TIAM1: variants seen among roughly 807,000 people sequenced by gnomAD.
The protein encoded by TIAM1 is TIAM Rac1 associated GEF 1, also known as rho guanine nucleotide exchange factor TIAM1.
TIAM1 carries 65 observed loss-of-function variants against 163.5 expected under a neutral mutation model. The ratio of observed to expected loss-of-function variants is 0.40; its 90% CI spans 0.33 to 0.49. The LOEUF (loss-of-function observed/expected upper bound fraction) is 0.49. Among genes scored for constraint, TIAM1 ranks in the 20% least tolerant of loss-of-function variants. TIAM1 has a pLI of 0.77. For missense variants in TIAM1, 1,789 were observed against 2,044.7 expected, an observed-to-expected ratio of 0.87 and a Z score of 2.41; for synonymous variants, 833 against 810.1, an observed-to-expected ratio of 1.03 and a Z score of -0.48.
intron 2 of TIAM1, among the ~76,000 whole-genome samples, chr21:31,410,071 C>T (rs2077319730): frequency 6.6e-6 from 1 of 150,574 alleles, no homozygotes; most frequent in South Asian, 2.1e-4. Flanking sequence ...ATGGAGGCAG[C>T]ACTGAGGGCG....
intron 1 of TIAM1, among the ~76,000 whole-genome samples, chr21:31,467,060 A>G (rs552431583): frequency 6.6e-6 from 1 of 152,206 alleles, no homozygotes; most frequent in Non-Finnish European, 1.5e-5. Context: ...CAGAATTACT[A>G]AACTACCCTA....
At chr21:31,544,201 G>C (rs1485860694) in intron 1 of TIAM1, among the ~76,000 whole-genome samples, 1 of 150,580 alleles carries the variant, frequency 6.6e-6, no homozygotes, top group Non-Finnish European at 1.5e-5. Flanking sequence ...GAGGGAGATG[G>C]TCTCAAAAAA....
chr21:31,485,378 G>A (rs1341814738), intron 1 of TIAM1, among the ~76,000 whole-genome samples: 1 of 152,066 alleles, frequency 6.6e-6, no homozygotes, highest in African/African-American at 2.4e-5. Flanking sequence ...GGCACTACTG[G>A]GTGGACAATT....
At chr21:31,362,560 G>C (rs756440820) in intron 2 of TIAM1, among the ~76,000 whole-genome samples, 1 of 151,752 alleles carries the variant, frequency 6.6e-6, no homozygotes, top group African/African-American at 2.4e-5. Context: ...TCTAGCTCCC[G>C]GGTTCAAGCG....
intron 3 of TIAM1, among the ~76,000 whole-genome samples, chr21:31,267,401 T>C (rs1443824076): frequency 6.6e-6 from 1 of 152,204 alleles, no homozygotes; most frequent in Non-Finnish European, 1.5e-5. Flanking sequence ...AACCAAAATG[T>C]TCACCAAGGG....
chr21:31,401,360 C>T lies in TIAM1; in HGVS notation c.-368-61938G>A, dbSNP rs150415144. Among the ~76,000 whole-genome samples, 276 of 152,212 alleles carry T rather than the reference C, an allele frequency of 1.8e-3. 2 individuals are homozygous for T. Among genetic ancestry groups the T allele is most frequent in the African/African-American group, 6.4e-3 (267 of 41,536 alleles). ...CTCTTCCTCATTCTACTGTCTAGAC[C>T]TGAAATTTTAACTGGGAAAAGCTGG... On this transcript the variant is annotated intron_variant, in intron 2 of 28. Coordinates refer to the TIAM1 transcript ENST00000286827.
At chr21:31,125,405 A>G (rs963386265) in intron 26 of TIAM1, among the ~76,000 whole-genome samples, 1 of 152,076 alleles carries the variant, frequency 6.6e-6, no homozygotes, top group Non-Finnish European at 1.5e-5. Context: ...GCCAAAATAG[A>G]CGGTAAAGGT....
chr21:31,302,188 CT>C (rs2074533542), intron 2 of TIAM1, among the ~76,000 whole-genome samples: 1 of 152,008 alleles, frequency 6.6e-6, no homozygotes, highest in African/African-American at 2.4e-5. Context: ...TATATCTCCA[CT>C]TTTTTAAGGG....
intron 2 of TIAM1, among the ~76,000 whole-genome samples, chr21:31,319,474 C>T (rs903509231): frequency 1.3e-5 from 2 of 152,000 alleles, no homozygotes; most frequent in Non-Finnish European, 2.9e-5. Context: ...TATTATTTTC[C>T]ATTAAAAAAA....
In TIAM1 at chr21:31,485,517, G is replaced by A. The variant is rs191914756; in HGVS notation, c.-421-21482C>T. Among the ~76,000 whole-genome samples, 301 of 152,244 alleles carry A rather than the reference G, an allele frequency of 2.0e-3. 3 individuals carry two copies. The highest frequency in any genetic ancestry group is 1.2e-3 in the South Asian group (6 of 4,818). ...AGAGGAGGCAGAGAGAAAGCAAAAC[G>A]CTAACTCTGGGATAACAGATCAAAA... is the stretch of plus-strand genomic sequence containing the variant. On this transcript the variant is annotated intron_variant, in intron 1 of 28. Transcript: ENST00000286827.
At chr21:31,230,174 A>C (rs1004605866) in intron 6 of TIAM1, among the ~76,000 whole-genome samples, 1 of 152,196 alleles carries the variant, frequency 6.6e-6, no homozygotes, top group African/African-American at 2.4e-5. Flanking sequence ...AGAGTAAGAA[A>C]AGGAAATACC....
chr21:31,142,463 C>CAAAAAAAAAAAAAAAAA (rs34368848), intron 20 of TIAM1, among the ~76,000 whole-genome samples: 1 of 49,926 alleles, frequency 2.0e-5, no homozygotes, highest in African/African-American at 9.4e-5. Context: ...ACTAAAAATA[C>CAAAAAAAAAAAAAAAAA]AAAAAAAAAA....
chr21:31,213,516 A>G (rs1225858196), intron 9 of TIAM1, 44 bp from the exon 10 acceptor site: 13 of 1,570,244 alleles, frequency 8.3e-6, no homozygotes, highest in Non-Finnish European at 1.1e-5. Context: ...TCTGGGCAAC[A>G]GGGCAAACGA....
At chr21:31,544,829 T>C (rs550052954) in intron 1 of TIAM1, among the ~76,000 whole-genome samples, 6 of 152,084 alleles carry the variant, frequency 3.9e-5, no homozygotes, top group Admixed American at 1.3e-4. Context: ...CTGGCTAACA[T>C]GGTGAAACCC....
intron 15 of TIAM1, among the ~76,000 whole-genome samples, chr21:31,170,228 A>T (rs1281984103): frequency 1.3e-5 from 2 of 152,236 alleles, no homozygotes; most frequent in African/African-American, 4.8e-5. Flanking sequence ...TTAGGCAAAC[A>T]TAAAGAAAGC....
chr21:31,200,030 T>C (rs1016212441), intron 12 of TIAM1, among the ~76,000 whole-genome samples: 22 of 152,174 alleles, frequency 1.4e-4, no homozygotes. Flanking sequence ...GCTTTGAACA[T>C]TCCCTGACAT....
intron 5 of TIAM1, among the ~76,000 whole-genome samples, chr21:31,249,327 C>T (rs1200681957): frequency 1.3e-5 from 2 of 152,198 alleles, no homozygotes; most frequent in Non-Finnish European, 2.9e-5. Flanking sequence ...AAGAAACCAA[C>T]CCTGCCAACA....
chr21:31,492,527 T>C (rs1020278537), intron 1 of TIAM1, among the ~76,000 whole-genome samples: 9 of 152,142 alleles, frequency 5.9e-5, no homozygotes, highest in South Asian at 2.1e-4. Flanking sequence ...ATGCAACCTT[T>C]TGTCTCTTAT....
intron 2 of TIAM1, among the ~76,000 whole-genome samples, chr21:31,404,131 AAAC>A (rs1265826444): frequency 6.6e-6 from 1 of 152,182 alleles, no homozygotes; most frequent in Non-Finnish European, 1.5e-5. Flanking sequence ...TTTCCAGGAA[AAAC>A]AACATTTGTT....
Sources: gnomAD v4.1 joint callset for allele counts (sites outside exome capture counted in the v4.1 genomes callset) on GRCh38, gnomAD v4.1.1 for gene constraint, MANE v1.5 for transcripts, NCBI Gene and HGNC (gene_info 2026-07-23, HGNC 2026-07-21) for gene names.